DMD: variants seen among roughly 807,000 people sequenced by gnomAD.
DMD encodes the protein dystrophin.
In DMD, 63 loss-of-function variants were observed where a neutral mutation model predicts 330.1. The observed-to-expected ratio is 0.19, with a 90% CI of 0.16 to 0.24. The LOEUF is 0.24. Ranked by LOEUF, DMD falls within the 10% of genes least tolerant of loss-of-function variation. The pLI, the probability that DMD is intolerant of heterozygous loss-of-function variation, is 1.00. For synonymous variants in DMD, 1,223 were observed against 959.8 expected, an observed-to-expected ratio of 1.27 and a Z score of -5.07; for missense variants, 3,344 against 2,684.1, an observed-to-expected ratio of 1.25 and a Z score of -5.43.
At chrX:32,797,966 T>C (rs1013892399) in intron 7 of DMD, among the ~76,000 whole-genome samples, 5 of 111,946 alleles carry the variant, frequency 4.5e-5, no homozygotes, top group African/African-American at 1.6e-4. Context: ...CTTCATTATT[T>C]AAATTCCCCA....
At position 31,929,621 on chromosome X, in the gene DMD, T is replaced by C. The variant is rs776984648; in HGVS notation, c.6887A>G (p.Lys2296Arg). 4.1e-6 allele frequency: 5 copies of C among 1,209,498 alleles called. No individual in the cohort carries two copies. The highest frequency in any genetic ancestry group is 1.8e-5 in the African/African-American group (1 of 57,069). The change falls in exon 47 of 79, where the codon AAG becomes AGG. Residue 2296 changes from lysine to arginine, a missense_variant. Lys to Arg is a conservative substitution (Grantham distance 26). Coordinates refer to ENST00000357033, the MANE Select transcript of DMD (RefSeq NM_004006.3). ...CTTTATCCACTGGAGATTTGTCTGC[T>C]TGAGCTTATTTTCAAGTTTATCTTG... is the stretch of plus-strand genomic sequence containing the variant. Reference protein sequence around the residue: ...EEQDKLENKLKQTNLQWIKVS... With the variant: ...EEQDKLENKLRQTNLQWIKVS...
intron 63 of DMD, among the ~76,000 whole-genome samples, chrX:31,235,839 A>G (rs1038814902): frequency 8.9e-6 from 1 of 112,229 alleles, no homozygotes; most frequent in Non-Finnish European, 1.9e-5. Flanking sequence ...GAAAGAAAAT[A>G]AATGGTCTAA....
intron 1 of DMD, among the ~76,000 whole-genome samples, chrX:33,283,445 A>G (rs112537864): frequency 0.14 from 14,483 of 106,869 alleles, 1,458 homozygotes; most frequent in African/African-American, 0.33. Context: ...AATTGCTTGA[A>G]CCCAGGAGGT....
At chrX:31,994,157 A>G (rs780075103) in intron 44 of DMD, among the ~76,000 whole-genome samples, 25 of 111,631 alleles carry the variant, frequency 2.2e-4, no homozygotes, top group Non-Finnish European at 4.1e-4. Context: ...GCACCTTTAA[A>G]TCTCTGATTT....
intron 43 of DMD, among the ~76,000 whole-genome samples, chrX:32,225,361 G>A (rs2097144177): frequency 8.9e-6 from 1 of 111,736 alleles, no homozygotes; most frequent in Non-Finnish European, 1.9e-5. Context: ...ATGGGCAGGA[G>A]ATTATTGACT....
chrX:31,258,949 GA>G (rs35839843), intron 63 of DMD, among the ~76,000 whole-genome samples: 44 of 100,165 alleles, frequency 4.4e-4, no homozygotes, highest in Middle Eastern at 5.3e-3. Context: ...CTTTCCAGTG[GA>G]AAAAAAAAAA....
At chrX:32,882,356 C>A (rs1022771339) in intron 2 of DMD, among the ~76,000 whole-genome samples, 2 of 112,028 alleles carry the variant, frequency 1.8e-5, no homozygotes, top group Admixed American at 9.5e-5. Context: ...TACCTAGATC[C>A]CAATTCCTCT....
intron 2 of DMD, among the ~76,000 whole-genome samples, chrX:32,991,400 T>C (rs1186812541): frequency 2.7e-5 from 3 of 111,932 alleles, no homozygotes; most frequent in Non-Finnish European, 5.6e-5. Context: ...ACCAGCATTG[T>C]CCATTAGAAT....
intron 44 of DMD, among the ~76,000 whole-genome samples, chrX:32,065,810 C>T (rs1250041788): frequency 1.8e-5 from 2 of 111,730 alleles, no homozygotes; most frequent in Admixed American, 1.9e-4. Context: ...ATATTTTAAT[C>T]TTGAATTAAA....
At chrX:31,784,965 TAAAG>T (rs890145128) in intron 50 of DMD, among the ~76,000 whole-genome samples, 5 of 111,895 alleles carry the variant, frequency 4.5e-5, no homozygotes, top group Non-Finnish European at 9.4e-5. Flanking sequence ...AACAGGATCT[TAAAG>T]AGATATTTGC....
intron 50 of DMD, among the ~76,000 whole-genome samples, chrX:31,781,300 T>C (rs1322168988): frequency 2.7e-5 from 3 of 112,446 alleles, no homozygotes; most frequent in Non-Finnish European, 5.6e-5. Flanking sequence ...TGCACATATT[T>C]CTAAGAATCA....
intron 41 of DMD, among the ~76,000 whole-genome samples, chrX:32,327,289 T>C (rs1458635318): frequency 9.0e-6 from 1 of 111,159 alleles, no homozygotes; most frequent in Non-Finnish European, 1.9e-5. Context: ...TGGAAATTCA[T>C]TTCATAATGA....
intron 63 of DMD, among the ~76,000 whole-genome samples, chrX:31,233,888 TTG>T (rs1237259407): frequency 2.7e-5 from 3 of 111,468 alleles, no homozygotes; most frequent in African/African-American, 6.5e-5. Context: ...GACTCTTTTT[TTG>T]TGTGTGTGTG....
chrX:31,785,689 G>GA (rs1049091932), intron 50 of DMD, among the ~76,000 whole-genome samples: 3 of 110,374 alleles, frequency 2.7e-5, no homozygotes, highest in Admixed American at 9.7e-5. Flanking sequence ...TTATGAGTGA[G>GA]AACATGCGGT....
intron 44 of DMD, among the ~76,000 whole-genome samples, chrX:32,043,231 C>T (rs1224684917): frequency 8.9e-6 from 1 of 112,026 alleles, no homozygotes; most frequent in Non-Finnish European, 1.9e-5. Context: ...AATGGAAATG[C>T]TCTAAGAGAT....
chrX:33,042,976 A>G (rs1224404773), intron 1 of DMD, among the ~76,000 whole-genome samples: 1 of 112,007 alleles, frequency 8.9e-6, no homozygotes, highest in East Asian at 2.8e-4. Context: ...TAATTATTTT[A>G]TGGAGCATCT....
intron 7 of DMD, among the ~76,000 whole-genome samples, chrX:32,766,456 C>T (rs1318045786): frequency 9.0e-6 from 1 of 111,459 alleles, no homozygotes; most frequent in African/African-American, 3.2e-5. Flanking sequence ...CTTTTTGTTA[C>T]TATTTTAAAT....
chrX:32,295,346 T>C (rs1449374579), intron 42 of DMD, among the ~76,000 whole-genome samples: 2 of 112,170 alleles, frequency 1.8e-5, no homozygotes, highest in Non-Finnish European at 3.8e-5. Context: ...AAAAATTAGA[T>C]AGCACAGTAA....
At chrX:32,164,862 C>T (rs1352700542) in intron 44 of DMD, among the ~76,000 whole-genome samples, 1 of 111,353 alleles carries the variant, frequency 9.0e-6, no homozygotes, top group Non-Finnish European at 1.9e-5. Context: ...CCACTCCAGC[C>T]ATGGATAAAA....
Sources: allele counts gnomAD v4.1 joint callset (sites outside exome capture counted in the v4.1 genomes callset), GRCh38; gene constraint gnomAD v4.1.1; transcripts MANE v1.5; gene names NCBI Gene and HGNC (gene_info 2026-07-23, HGNC 2026-07-21).